The following MED27 variants were observed in gnomAD, a reference collection of about 807,000 sequenced individuals.
MED27 encodes the protein mediator of RNA polymerase II transcription subunit 27.
A neutral mutation model predicts 38.2 loss-of-function variants in MED27; 30 were observed. The observed-to-expected ratio is 0.79, with a 90% CI of 0.59 to 1.07. The LOEUF (loss-of-function observed/expected upper bound fraction) is 1.07, where lower values mean the gene tolerates loss of function less well. Ranked by LOEUF, MED27 falls within the 50% of genes least tolerant of loss-of-function variation. The pLI is 0.00. For missense variants in MED27, 289 were observed against 397.5 expected (o/e 0.73, Z 2.32); for synonymous variants, 122 against 153.5 (o/e 0.79, Z 1.52).
chr9:131,945,440 G>C (rs1318557961), intron 3 of MED27, among the ~76,000 whole-genome samples: 1 of 152,026 alleles, frequency 6.6e-6, no homozygotes, highest in Non-Finnish European at 1.5e-5. Flanking sequence ...TGTGTGTGTG[G>C]TAAGAACACC....
rs7849729 is a variant in MED27, at chr9:132,043,651, T to C, written c.349-29184A>G. ...AAGAGTAAACTGAAAAAAATAATTTTCAATTAAAACTCACATTAACTGATT... is the reference window on the plus strand; with the variant it reads ...AAGAGTAAACTGAAAAAAATAATTTCCAATTAAAACTCACATTAACTGATT... On this transcript the variant is annotated intron_variant, in intron 2 of 7. Coordinates refer to ENST00000292035, the MANE Select transcript of MED27 (RefSeq NM_004269.4). 1.8e-3 allele frequency among the ~76,000 whole-genome samples: 270 copies of C among 152,268 alleles called. 1 individual carries two copies. The highest frequency in any genetic ancestry group is 6.1e-3 in the African/African-American group (253 of 41,546).
chr9:131,922,802 C>T (rs890700125), intron 4 of MED27, among the ~76,000 whole-genome samples: 3 of 151,922 alleles, frequency 2.0e-5, no homozygotes, highest in Non-Finnish European at 2.9e-5. Context: ...TTAGTAGAGA[C>T]GGGGTTTCGC....
At chr9:131,962,958 C>A (rs144138452) in intron 3 of MED27, among the ~76,000 whole-genome samples, 10 of 152,096 alleles carry the variant, frequency 6.6e-5, no homozygotes, top group African/African-American at 2.2e-4. Context: ...CAGATGTGGA[C>A]GACATTTCAG....
rs1830235438 is a variant in MED27 at position 131,913,861 on chromosome 9, G to A, written c.574-19869C>T. ...AGCCACTGGCGTGGTACCAAACGCAGGACAGCACTCTGCCAGTCTTTGCTG... is the reference window on the plus strand; with the variant it reads ...AGCCACTGGCGTGGTACCAAACGCAAGACAGCACTCTGCCAGTCTTTGCTG... On this transcript the variant is annotated intron_variant, in intron 4 of 7. Transcript: ENST00000292035. The surrounding 1 kb of genome is among the most constrained non-coding windows in gnomAD (Gnocchi z 4.5). Among the ~76,000 whole-genome samples the A allele has an allele frequency of 6.6e-6, 1 of 152,190 alleles. No homozygotes were observed. The highest frequency in any genetic ancestry group is 1.5e-5 in the Non-Finnish European group (1 of 68,032).
chr9:132,073,054 A>G (rs1833975330), intron 2 of MED27, among the ~76,000 whole-genome samples: 1 of 152,070 alleles, frequency 6.6e-6, no homozygotes. Flanking sequence ...AGGCAACTCC[A>G]AAAAACTTCC....
At chr9:131,865,864 C>T (rs1838728437) in intron 6 of MED27, among the ~76,000 whole-genome samples, 1 of 152,206 alleles carries the variant, frequency 6.6e-6, no homozygotes, top group Admixed American at 6.5e-5. Flanking sequence ...CTTGAAGCAT[C>T]GGAGGATCTG....
intron 4 of MED27, among the ~76,000 whole-genome samples, chr9:131,902,775 T>C (rs1829974938): frequency 1.3e-5 from 2 of 152,240 alleles, no homozygotes; most frequent in South Asian, 4.1e-4. Context: ...AGGGGAATTA[T>C]ATTTTTCCTT....
chr9:131,893,748 C>T, intron 5 of MED27, 137 bp downstream of exon 5: 1 of 646,944 alleles, frequency 1.5e-6, no homozygotes. Context: ...AAGTGTGCAT[C>T]CTCACACTGA....
At position 132,068,019 on chromosome 9, in the gene MED27, A is replaced by T. The variant is rs981199810; in HGVS notation, c.348+9423T>A. The stretch of plus-strand genomic sequence containing the variant: ...GGTCATTATTCTCTCACTTTTGTGC[A>T]TATTTGAAATTTTCCATAATAAAAA... On this transcript the variant is annotated intron_variant, in intron 2 of 7. Transcript: ENST00000292035. Among the ~76,000 whole-genome samples, 4 of 152,202 alleles carry T rather than the reference A, an allele frequency of 2.6e-5. No individual in the cohort carries two copies. The East Asian group carries it at 7.7e-4, about 29-fold the overall frequency.
Position 132,003,540 on chromosome 9 carries a change from G to A in MED27, c.479+10797C>T, listed in dbSNP as rs1832289764. Among the ~76,000 whole-genome samples, 2 of 152,188 alleles carry A rather than the reference G, an allele frequency of 1.3e-5. No homozygotes were observed. Among genetic ancestry groups the A allele is most frequent in the South Asian group, 4.1e-4 (2 of 4,826 alleles). On this transcript the variant is annotated intron_variant, in intron 3 of 7. Coordinates refer to ENST00000292035, the MANE Select transcript of MED27 (RefSeq NM_004269.4). The surrounding 1 kb of genome is among the most constrained non-coding windows in gnomAD (Gnocchi z 4.2). ...GTTGGCTAGAGCAAGGCTAGACGGG[G>A]AGGCAGGGATAGGTGGGATGGGGTG...
intron 4 of MED27, among the ~76,000 whole-genome samples, chr9:131,900,404 G>T (rs1221840928): frequency 6.6e-6 from 1 of 152,234 alleles, no homozygotes; most frequent in African/African-American, 2.4e-5. Flanking sequence ...AGTAGAAAAA[G>T]TATTTAGTTC....
intron 3 of MED27, among the ~76,000 whole-genome samples, chr9:131,979,814 T>C (rs1289532863): frequency 7.3e-6 from 1 of 136,100 alleles, no homozygotes; most frequent in Non-Finnish European, 1.6e-5. Flanking sequence ...CCTTGTAGAG[T>C]GGCACCTGAA....
chr9:131,945,067 TTATATATAAA>T (rs941651191), intron 3 of MED27, among the ~76,000 whole-genome samples: 1 of 147,186 alleles, frequency 6.8e-6, no homozygotes, highest in African/African-American at 2.5e-5. Context: ...CTACTTTTAT[TTATATATAAA>T]TATATATAAA....
At chr9:132,000,397 C>T (rs1185147231) in intron 3 of MED27, among the ~76,000 whole-genome samples, 1 of 152,070 alleles carries the variant, frequency 6.6e-6, no homozygotes, top group Non-Finnish European at 1.5e-5. Flanking sequence ...TCATACCCTG[C>T]TGGTGGGAAG....
chr9:132,014,147 G>A (rs1832542628), intron 3 of MED27, among the ~76,000 whole-genome samples, 190 bp downstream of exon 3: 1 of 151,850 alleles, frequency 6.6e-6, no homozygotes, highest in South Asian at 2.1e-4. Context: ...GTGGGGGAGG[G>A]CAGAGGTTGC....
chr9:131,957,230 T>C (rs1351106117), intron 3 of MED27, among the ~76,000 whole-genome samples: 1 of 152,202 alleles, frequency 6.6e-6, no homozygotes. Context: ...CAAACACTTG[T>C]ACACAAATGC....
intron 6 of MED27, among the ~76,000 whole-genome samples, chr9:131,865,803 A>G (rs1426140850): frequency 2.0e-5 from 3 of 152,220 alleles, no homozygotes; most frequent in Admixed American, 6.5e-5. Flanking sequence ...AACACAAATG[A>G]CCAACACTTA....
chr9:131,910,993 T>C lies in MED27; in HGVS notation c.574-17001A>G, dbSNP rs900098697. On this transcript the variant is annotated intron_variant, in intron 4 of 7. Transcript: ENST00000292035. ...ACTCATTATTTTTTAATGATGCCTG[T>C]TTGTAAATAGCAAGATGGGATGCAA... Among the ~76,000 whole-genome samples, 14 of 152,210 alleles carry C rather than the reference T, an allele frequency of 9.2e-5. No individual in the cohort carries two copies. In the South Asian group the frequency reaches 2.9e-3, roughly 32 times the overall value.
At chr9:131,875,993 G>C (rs776312474) in intron 6 of MED27, among the ~76,000 whole-genome samples, 1 of 152,202 alleles carries the variant, frequency 6.6e-6, no homozygotes, top group Non-Finnish European at 1.5e-5. Context: ...ATGACACGGC[G>C]AATGGCTCTT....
Sources: gnomAD v4.1 joint callset for allele counts (sites outside exome capture counted in the v4.1 genomes callset) on GRCh38, gnomAD v4.1.1 for gene constraint, Gnocchi (gnomAD v3.1) non-coding constraint, MANE v1.5 for transcripts, NCBI Gene and HGNC (gene_info 2026-07-23, HGNC 2026-07-21) for gene names.